Variants in KLHL25 observed in about 807,000 individuals in gnomAD.
KLHL25 encodes the protein kelch-like protein 25.
Under a neutral mutation model 30.0 loss-of-function variants are expected in KLHL25, and 41 were observed. That is an observed-to-expected ratio of 1.37 (90% confidence interval 1.07 to 1.78). KLHL25 has a LOEUF of 1.78. Ranked by LOEUF, KLHL25 falls within the 40% of genes most tolerant of loss-of-function variation. The pLI, the probability that KLHL25 is intolerant of heterozygous loss-of-function variation, is 0.00. For missense variants in KLHL25, 971 were observed against 824.5 expected, an observed-to-expected ratio of 1.18 and a Z score of -2.18; for synonymous variants, 399 against 355.3, an observed-to-expected ratio of 1.12 and a Z score of -1.38.
At chr15:85,772,519 G>C (rs2089683165) in intron 1 of KLHL25, among the ~76,000 whole-genome samples, 1 of 152,190 alleles carries the variant, frequency 6.6e-6, no homozygotes, top group Non-Finnish European at 1.5e-5. Flanking sequence ...GCCCCAGCTG[G>C]AATCCCAGCT....
At position 85,789,154 on chromosome 15, in the gene KLHL25, T is replaced by C. The variant is rs1453444274; in HGVS notation, c.-11+5612A>G. Among the ~76,000 whole-genome samples the C allele has an allele frequency of 1.4e-5, 2 of 144,688 alleles. No individual in the cohort carries two copies. The highest frequency in any genetic ancestry group is 6.9e-5 in the Admixed American group (1 of 14,580). The allele number at this position is 144,688 out of a possible 152,430, so 94.9% of individuals were successfully genotyped here. Reference sequence around the variant, plus strand: ...TGTAAGCAAGGCTTTTTTGTCTCCATCCTTTCCCTGCATCCTACTCCTCAC... The same window carrying C: ...TGTAAGCAAGGCTTTTTTGTCTCCACCCTTTCCCTGCATCCTACTCCTCAC... On this transcript the variant is annotated intron_variant, in intron 1 of 2. Transcript: ENST00000337975. This position sits in a 1 kb window ranked among gnomAD's most constrained non-coding sequence, Gnocchi z 4.1.
Position 85,768,427 on chromosome 15 carries a change from C to T in KLHL25, c.1384G>A (p.Val462Ile). 6.2e-7 allele frequency: 1 copy of T among 1,613,446 alleles called. No individual in the cohort carries two copies. The highest frequency in any genetic ancestry group is 1.7e-5 in the Admixed American group (1 of 60,026). ...TSIHRDMVSK[V>I]QCYDPSENRW... is the part of the protein sequence containing the mutation. ...TTCTCCGAGGGGTCATAGCACTGGA[C>T]CTTGGACACCATGTCCCGGTGGATG... is the stretch of plus-strand genomic sequence containing the variant. Residue 462 changes from valine (V) to isoleucine (I), a missense_variant, in exon 2 of 3, where the codon GTC becomes ATC. By Grantham distance (29) the Val-to-Ile change is conservative (BLOSUM62 3). Coordinates refer to ENST00000337975, the MANE Select transcript of KLHL25 (RefSeq NM_022480.4).
chr15:85,774,337 G>C (rs1028097723), intron 1 of KLHL25, among the ~76,000 whole-genome samples: 4 of 152,186 alleles, frequency 2.6e-5, no homozygotes, highest in Admixed American at 6.5e-5. Flanking sequence ...GCTACGAGGG[G>C]TGGATCCACC....
chr15:85,762,854 C>T (rs1266442232), intron 2 of KLHL25: 4 of 152,268 alleles, frequency 2.6e-5, no homozygotes, highest in African/African-American at 4.8e-5. Flanking sequence ...AGAGAATGTA[C>T]TGTACTGTCC....
chr15:85,773,561 T>C (rs1338478280), intron 1 of KLHL25, among the ~76,000 whole-genome samples: 2 of 152,182 alleles, frequency 1.3e-5, no homozygotes, highest in East Asian at 1.9e-4. Flanking sequence ...TGCACATCAC[T>C]GGGCCCTGGG....
At chr15:85,785,087 CTTTTTTCTTTTT>C (rs2089771944) in intron 1 of KLHL25, among the ~76,000 whole-genome samples, 1 of 139,082 alleles carries the variant, frequency 7.2e-6, no homozygotes, top group African/African-American at 2.6e-5. Flanking sequence ...TGATGTATTT[CTTTTTTCTTTTT>C]TTTTTTTTTT....
chr15:85,763,031 A>G (rs998381126), intron 2 of KLHL25: 3 of 151,296 alleles, frequency 2.0e-5, no homozygotes, highest in Admixed American at 6.6e-5. Context: ...CAGCCCCCCC[A>G]TGCTGGAGGC....
chr15:85,784,019 C>T (rs543248416), intron 1 of KLHL25, among the ~76,000 whole-genome samples: 1 of 152,270 alleles, frequency 6.6e-6, no homozygotes, highest in South Asian at 2.1e-4. Flanking sequence ...CATGGTGGGA[C>T]ACAAATTTTG....
intron 1 of KLHL25, among the ~76,000 whole-genome samples, chr15:85,792,660 T>C (rs1236402816): frequency 3.9e-5 from 6 of 152,134 alleles, no homozygotes; most frequent in Non-Finnish European, 8.8e-5. Flanking sequence ...CCACTTGCAT[T>C]CTCCATGGCC....
At chr15:85,778,965 C>G (rs1027038867) in intron 1 of KLHL25, among the ~76,000 whole-genome samples, 3 of 152,032 alleles carry the variant, frequency 2.0e-5, no homozygotes, top group African/African-American at 7.2e-5. Flanking sequence ...TGAGAAAGTT[C>G]ACCTTAGAGA....
At position 85,768,878 on chromosome 15, in the gene KLHL25, G is replaced by A. The variant is rs1391960746; in HGVS notation, c.933C>T (p.Tyr311=). ...GGQTFMCDKI[Y]QVDHKAKEII... ...TCTCCTTGGCCTTGTGGTCCACCTG[G>A]TAGATCTTGTCACACATGAAGGTCT... The change falls in exon 2 of 3, where the codon TAC becomes TAT. Residue 311 remains tyrosine, a synonymous_variant. Coordinates refer to ENST00000337975, the MANE Select transcript of KLHL25 (RefSeq NM_022480.4). 1.9e-6 allele frequency: 3 copies of A among 1,613,214 alleles called. No individual in the cohort carries two copies. The South Asian group carries it at 3.3e-5, about 18-fold the overall frequency.
rs2089574167 is a variant in KLHL25 at position 85,760,457 on chromosome 15, T to C, written c.*579A>G. On this transcript the variant is annotated 3_prime_UTR_variant, in exon 3 of 3. Coordinates refer to ENST00000337975, the MANE Select transcript of KLHL25 (RefSeq NM_022480.4). The stretch of plus-strand genomic sequence containing the variant: ...CCTTGGAGGTCTGGGTGTCCTTTGC[T>C]AATAAGGCCTCATGGATGTCACTGA... 1 of 152,186 alleles carries C rather than the reference T, an allele frequency of 6.6e-6. No homozygotes were observed. The highest frequency in any genetic ancestry group is 2.1e-4 in the South Asian group (1 of 4,836). 9.4% of individuals were successfully genotyped at this position (152,186 alleles called of 1,614,324 possible).
chr15:85,786,342 C>T (rs2089781229), intron 1 of KLHL25, among the ~76,000 whole-genome samples: 1 of 152,168 alleles, frequency 6.6e-6, no homozygotes, highest in African/African-American at 2.4e-5. Context: ...GATGTTGCTT[C>T]CTGAAGGGTG....
At chr15:85,770,329 G>C (rs566038540) in intron 1 of KLHL25, among the ~76,000 whole-genome samples, 1 of 152,344 alleles carries the variant, frequency 6.6e-6, no homozygotes, top group East Asian at 1.9e-4. Flanking sequence ...CACATGGGCT[G>C]TCCGGCTCTG....
chr15:85,792,149 G>C (rs1597283716), intron 1 of KLHL25, among the ~76,000 whole-genome samples: 1 of 152,272 alleles, frequency 6.6e-6, no homozygotes, highest in African/African-American at 2.4e-5. Context: ...GTAGGGGCTG[G>C]GCTGACTTCC....
intron 1 of KLHL25, among the ~76,000 whole-genome samples, chr15:85,787,105 G>GC (rs561499384): frequency 5.6e-4 from 42 of 74,430 alleles, no homozygotes; most frequent in Middle Eastern, 0.01. Context: ...GATTCCACCC[G>GC]CCCCCCCACC....
chr15:85,785,662 G>A (rs140911143), intron 1 of KLHL25, among the ~76,000 whole-genome samples: 3 of 151,934 alleles, frequency 2.0e-5, no homozygotes, highest in Admixed American at 6.6e-5. Context: ...ACATGCAAAC[G>A]TGTCTTGCTT....
At chr15:85,777,107 G>C (rs1183455134) in intron 1 of KLHL25, among the ~76,000 whole-genome samples, 1 of 152,162 alleles carries the variant, frequency 6.6e-6, no homozygotes, top group Non-Finnish European at 1.5e-5. Context: ...CTCCTGCACA[G>C]GAATGGGCTG....
rs762356233 is a variant in KLHL25, at chr15:85,768,167, C to T, written c.1644G>A (p.Gly548=). Residue 548 remains glycine (G), a synonymous_variant, in exon 2 of 3, where the codon GGG becomes GGA. Coordinates refer to ENST00000337975, the MANE Select transcript of KLHL25 (RefSeq NM_022480.4). Reference sequence around the variant, plus strand: ...AGTCCAGAGTCTTACACCTCTGGGTCCCAAAGTAGCCCCCGACCACATAGA... The same window carrying T: ...AGTCCAGAGTCTTACACCTCTGGGTTCCAAAGTAGCCCCCGACCACATAGA... ...NKLYVVGGYF[G]TQRCKTLDCY... 1 of 1,614,078 alleles carries T rather than the reference C, an allele frequency of 6.2e-7. No homozygotes were observed. The highest frequency in any genetic ancestry group is 1.3e-5 in the African/African-American group (1 of 74,918).
Sources: gnomAD v4.1 joint callset for allele counts (sites outside exome capture counted in the v4.1 genomes callset) on GRCh38, gnomAD v4.1.1 for gene constraint, Gnocchi (gnomAD v3.1) non-coding constraint, MANE v1.5 for transcripts, NCBI Gene and HGNC (gene_info 2026-07-23, HGNC 2026-07-21) for gene names.